Variants in DOCK3 observed in about 807,000 individuals in gnomAD.
DOCK3 encodes dedicator of cytokinesis 3.
A neutral mutation model predicts 265.6 loss-of-function variants in DOCK3; 60 were observed. The observed-to-expected ratio is 0.23, with a 90% CI of 0.18 to 0.28. DOCK3 has a LOEUF of 0.28. Among genes scored for constraint, DOCK3 ranks in the 10% least tolerant of loss-of-function variants. The probability of loss-of-function intolerance (pLI) is 1.00; values close to 1 mark genes in which losing one functional copy is unlikely to be tolerated. For synonymous variants in DOCK3, 881 were observed against 938.0 expected, an observed-to-expected ratio of 0.94 and a Z score of 1.11; for missense variants, 1,981 against 2,594.3, an observed-to-expected ratio of 0.76 and a Z score of 5.14.
intron 1 of DOCK3, among the ~76,000 whole-genome samples, chr3:50,695,219 G>C (rs138551097): frequency 1.3e-5 from 2 of 152,310 alleles, no homozygotes; most frequent in East Asian, 1.9e-4. Context: ...ATTTCTGTAA[G>C]ACTTTGCTGC....
chr3:50,868,913 T>C (rs2047280523), intron 3 of DOCK3, among the ~76,000 whole-genome samples: 1 of 148,184 alleles, frequency 6.7e-6, no homozygotes, highest in East Asian at 1.9e-4. Context: ...TTTTTTTTTT[T>C]TTTTTTTTTT....
At chr3:51,009,812 G>A (rs2078867185) in intron 5 of DOCK3, among the ~76,000 whole-genome samples, 1 of 152,158 alleles carries the variant, frequency 6.6e-6, no homozygotes, top group African/African-American at 2.4e-5. Flanking sequence ...ATTCTGGTAT[G>A]TTGTGTCTTT....
intron 5 of DOCK3, among the ~76,000 whole-genome samples, chr3:50,990,709 A>G (rs576906800): frequency 6.6e-6 from 1 of 152,302 alleles, no homozygotes; most frequent in East Asian, 1.9e-4. Context: ...CCAAAGCTGA[A>G]GAACCTGGAT....
intron 27 of DOCK3, among the ~76,000 whole-genome samples, chr3:51,305,397 T>G (rs934712236): frequency 6.6e-6 from 1 of 152,244 alleles, no homozygotes; most frequent in African/African-American, 2.4e-5. Context: ...TTGGGTACTA[T>G]TTTCATGGTA....
At chr3:51,339,103 G>T in intron 37 of DOCK3, 75 bp downstream of exon 37, 1 of 1,290,918 alleles carries the variant, frequency 7.7e-7, no homozygotes, top group African/African-American at 1.5e-5. Context: ...GGCAGAGAAA[G>T]GCTTCAGGCT....
chr3:50,925,126 G>T (rs1169756673), intron 4 of DOCK3, among the ~76,000 whole-genome samples: 2 of 152,066 alleles, frequency 1.3e-5, no homozygotes, highest in Non-Finnish European at 2.9e-5. Context: ...TAATTTTAAT[G>T]AAAAGGCCAT....
chr3:50,721,933 G>A (rs1404540681), intron 1 of DOCK3, among the ~76,000 whole-genome samples: 1 of 152,044 alleles, frequency 6.6e-6, no homozygotes, highest in Admixed American at 6.6e-5. Context: ...AGTCCCCAGA[G>A]CCCCTAGTCA....
chr3:51,240,387 C>G (rs2078557133), intron 21 of DOCK3, among the ~76,000 whole-genome samples: 1 of 152,140 alleles, frequency 6.6e-6, no homozygotes, highest in Non-Finnish European at 1.5e-5. Flanking sequence ...TGCCATGTGG[C>G]AATGAGACAA....
chr3:51,247,958 A>G (rs1049458432), intron 22 of DOCK3, among the ~76,000 whole-genome samples: 1 of 152,232 alleles, frequency 6.6e-6, no homozygotes, highest in Non-Finnish European at 1.5e-5. Context: ...AAGATTCTAT[A>G]TGAGCCTGAA....
intron 13 of DOCK3, among the ~76,000 whole-genome samples, chr3:51,211,720 A>G (rs571388210): frequency 2.0e-5 from 3 of 152,274 alleles, no homozygotes; most frequent in South Asian, 4.1e-4. Context: ...ATAGTATTCC[A>G]TGGTATATAT....
At position 51,359,921 on chromosome 3, in the gene DOCK3, G is replaced by C. The variant is rs1349029238; in HGVS notation, c.4885-590G>C. On this transcript the variant is annotated intron_variant, in intron 46 of 52. Transcript: ENST00000266037. This position sits in a 1 kb window ranked among gnomAD's most constrained non-coding sequence, Gnocchi z 4.8. Reference sequence around the variant, plus strand: ...AAACAAACATGCTGTCACCCAGTAGGGTTTGAGATCAGAAGTGTCTGCCCA... The same window carrying C: ...AAACAAACATGCTGTCACCCAGTAGCGTTTGAGATCAGAAGTGTCTGCCCA... Among the ~76,000 whole-genome samples the C allele has an allele frequency of 1.3e-5, 2 of 152,154 alleles. No individual in the cohort carries two copies. Among genetic ancestry groups the C allele is most frequent in the Non-Finnish European group, 2.9e-5 (2 of 68,028 alleles).
At chr3:51,013,288 ATC>A (rs1486766433) in intron 5 of DOCK3, among the ~76,000 whole-genome samples, 4 of 152,220 alleles carry the variant, frequency 2.6e-5, no homozygotes, top group Admixed American at 2.6e-4. Flanking sequence ...TTGTGGTTTT[ATC>A]TACCTTTGGT....
At chr3:50,738,076 A>G (rs376160807) in intron 1 of DOCK3, among the ~76,000 whole-genome samples, 73 of 151,954 alleles carry the variant, frequency 4.8e-4, no homozygotes, top group African/African-American at 1.7e-3. Flanking sequence ...CTGCCTGGAG[A>G]TTATGGGTAG....
intron 5 of DOCK3, among the ~76,000 whole-genome samples, chr3:50,944,797 A>G (rs1434865672): frequency 1.3e-5 from 2 of 152,126 alleles, no homozygotes; most frequent in Non-Finnish European, 2.9e-5. Context: ...CATCTCTACT[A>G]AAAGTACAAA....
intron 3 of DOCK3, among the ~76,000 whole-genome samples, chr3:50,850,836 G>A (rs2046326403): frequency 6.6e-6 from 1 of 152,152 alleles, no homozygotes; most frequent in African/African-American, 2.4e-5. Flanking sequence ...CCAATAGATG[G>A]CACTTATAGG....
chr3:50,781,850 G>A (rs1395311808), intron 2 of DOCK3, among the ~76,000 whole-genome samples: 1 of 152,010 alleles, frequency 6.6e-6, no homozygotes, highest in African/African-American at 2.4e-5. Context: ...TCATCTTTTA[G>A]TTCCCGGTTG....
intron 1 of DOCK3, among the ~76,000 whole-genome samples, chr3:50,698,021 C>T (rs918497229): frequency 5.3e-5 from 8 of 152,104 alleles, no homozygotes; most frequent in East Asian, 1.9e-4. Context: ...GCAGGGGTGT[C>T]GAGGTATAAT....
chr3:51,230,231 G>A lies in DOCK3; in HGVS notation c.1917+622G>A, dbSNP rs10470620. The stretch of plus-strand genomic sequence containing the variant: ...TACAAATGATCTGATCACTGAGGTA[G>A]TAAGCATAGTACCCAGCAGTTTTTC... On this transcript the variant is annotated intron_variant, in intron 19 of 52. Coordinates refer to ENST00000266037, the MANE Select transcript of DOCK3 (RefSeq NM_004947.5). Among the ~76,000 whole-genome samples the A allele has an allele frequency of 2.9e-3, 447 of 152,304 alleles. 1 individual carries two copies. The highest frequency in any genetic ancestry group is 0.01 in the African/African-American group (426 of 41,570).
intron 21 of DOCK3, among the ~76,000 whole-genome samples, chr3:51,238,119 C>CTTTTTTT (rs747331452): frequency 6.3e-5 from 3 of 47,486 alleles, no homozygotes; most frequent in Non-Finnish European, 1.1e-4. Flanking sequence ...ATATTTACCA[C>CTTTTTTT]TTTTTTTTTT....
Sources: allele counts gnomAD v4.1 joint callset (sites outside exome capture counted in the v4.1 genomes callset), GRCh38; gene constraint gnomAD v4.1.1; non-coding constraint Gnocchi (gnomAD v3.1); transcripts MANE v1.5; gene names NCBI Gene and HGNC (gene_info 2026-07-23, HGNC 2026-07-21).